Variants in DNAH5 observed in about 807,000 individuals in gnomAD.
The protein encoded by DNAH5 is dynein axonemal heavy chain 5.
In DNAH5, 372 loss-of-function variants were observed where a neutral mutation model predicts 518.2. The observed-to-expected ratio is 0.72, with a 90% CI of 0.66 to 0.78. DNAH5 has a LOEUF of 0.78. DNAH5 is among the 30% of genes least tolerant of loss of function. The pLI is 0.00. For synonymous variants in DNAH5, 2,039 were observed against 2,025.9 expected, an observed-to-expected ratio of 1.01 and a Z score of -0.17; for missense variants, 5,523 against 5,687.0, an observed-to-expected ratio of 0.97 and a Z score of 0.93.
At chr5:13,928,004 G>T in intron 3 of DNAH5, 90 bp downstream of exon 3, 1 of 1,134,226 alleles carries the variant, frequency 8.8e-7, no homozygotes, top group Non-Finnish European at 1.3e-6. Context: ...GGTGAAACAG[G>T]TCCGTTCTCA....
chr5:13,866,407 T>C, intron 25 of DNAH5, 125 bp from the exon 26 acceptor site: 1 of 847,470 alleles, frequency 1.2e-6, no homozygotes, highest in Non-Finnish European at 1.8e-6. Flanking sequence ...TTTTATTTGT[T>C]AGAAAAAAAG....
At chr5:13,997,733 C>G (rs1284672874) in intron 1 of DNAH5, among the ~76,000 whole-genome samples, 2 of 152,212 alleles carry the variant, frequency 1.3e-5, no homozygotes, top group Non-Finnish European at 2.9e-5. Flanking sequence ...GTATTTGTTA[C>G]AGCAGCACCC....
In DNAH5 at chr5:13,818,487, G is replaced by A. The variant is rs552649423; in HGVS notation, c.6842-793C>T. 1.8e-4 allele frequency among the ~76,000 whole-genome samples: 28 copies of A among 152,290 alleles called. No homozygotes were observed. The South Asian group carries it at 3.1e-3, about 17-fold the overall frequency. On this transcript the variant is annotated intron_variant, in intron 41 of 78. Transcript: ENST00000265104. The stretch of plus-strand genomic sequence containing the variant: ...CGGAAGTGCCAAAGCACTTCCTTGC[G>A]TATATCATGTTCTCTCCAATCCCTC...
intron 1 of DNAH5, among the ~76,000 whole-genome samples, chr5:13,989,060 C>T (rs1783297562): frequency 6.6e-6 from 1 of 151,954 alleles, no homozygotes; most frequent in African/African-American, 2.4e-5. Context: ...TTCTGAAATG[C>T]AGCCCGGGGA....
At chr5:13,983,848 C>T (rs1325339407) in intron 1 of DNAH5, among the ~76,000 whole-genome samples, 1 of 152,220 alleles carries the variant, frequency 6.6e-6, no homozygotes, top group Non-Finnish European at 1.5e-5. Flanking sequence ...TTGGCTCAAT[C>T]ACTCAGACAA....
chr5:13,921,772 T>C, intron 5 of DNAH5, among the ~76,000 whole-genome samples: 1 of 126,046 alleles, frequency 7.9e-6, no homozygotes, highest in African/African-American at 2.9e-5. Context: ...ACACACACAC[T>C]TCAGTTCCAA....
rs1299351253 is a variant in DNAH5, at chr5:13,809,063, GT to G, written c.7732del (p.Thr2578ProfsTer11). ...TCATACCTTGCCCTGTTTAGCAATG[GT>G]TTGAATTAGAAAGTCAGTCCTCACA... The part of the protein sequence containing the change: ...DNVRTDFLIQ[T>X]IAKQGKAVLL... On this transcript the variant is annotated frameshift_variant, in exon 46 of 79. Coordinates refer to ENST00000265104, the MANE Select transcript of DNAH5 (RefSeq NM_001369.3). LOFTEE classifies it high-confidence loss of function. The G allele has an allele frequency of 6.2e-7, 1 of 1,614,182 alleles. No individual in the cohort carries two copies. Among genetic ancestry groups the G allele is most frequent in the Non-Finnish European group, 8.5e-7 (1 of 1,180,034 alleles).
intron 69 of DNAH5, 114 bp from the exon 70 acceptor site, chr5:13,727,770 T>A: frequency 8.8e-7 from 1 of 1,133,916 alleles, no homozygotes; most frequent in Non-Finnish European, 1.3e-6. Flanking sequence ...TAAATTATAT[T>A]CCTTGGCTAT....
chr5:13,921,475 TCACACACA>T lies in DNAH5; in HGVS notation c.660+624_660+631del, dbSNP rs138046391. The stretch of plus-strand genomic sequence containing the variant: ...CTCTCTCTCTTGCTCTATCTCTCTC[TCACACACA>T]CACACACACACACACACACACACAC... On this transcript the variant is annotated intron_variant, in intron 5 of 78. Coordinates refer to ENST00000265104, the MANE Select transcript of DNAH5 (RefSeq NM_001369.3). Among the ~76,000 whole-genome samples, 75 of 73,766 alleles carry T rather than the reference TCACACACA, an allele frequency of 1.0e-3. 3 individuals carry two copies. The highest frequency in any genetic ancestry group is 1.2e-3 in the South Asian group (3 of 2,450). 48.4% of individuals were successfully genotyped at this position (73,766 alleles called of 152,430 possible).
chr5:13,756,359 T>G (rs1751000851), intron 61 of DNAH5, among the ~76,000 whole-genome samples: 1 of 152,094 alleles, frequency 6.6e-6, no homozygotes, highest in East Asian at 1.9e-4. Flanking sequence ...TAATACGGAA[T>G]TTGACATTTG....
Position 13,811,654 on chromosome 5 carries a change from G to A in DNAH5, c.7400C>T (p.Pro2467Leu), listed in dbSNP as rs376616246. The A allele has an allele frequency of 1.9e-6, 3 of 1,614,090 alleles. No individual in the cohort carries two copies. The highest frequency in any genetic ancestry group is 2.2e-5 in the East Asian group (1 of 44,880). ...GAAAGTTGAGCAATTTACCTTCAGA[G>A]GAATCAGGCCTTGAAGCATGTTAAT... ...QSINMLQGLI[P>L]LKEQGGEVSQ... is the part of the protein sequence containing the mutation. The change falls in exon 44 of 79, where the codon CCT becomes CTT. Residue 2467 changes from proline to leucine, a missense_variant. Physicochemically the swap from Pro to Leu is moderately conservative, Grantham distance 98. Around this residue, in one of 3 missense-constraint regions of DNAH5, gnomAD observed 5,121 missense variants for 5,223.3 expected, o/e 0.98. Coordinates refer to ENST00000265104, the MANE Select transcript of DNAH5 (RefSeq NM_001369.3).
At chr5:13,754,941 A>C (rs1167702215) in intron 61 of DNAH5, among the ~76,000 whole-genome samples, 2 of 149,842 alleles carry the variant, frequency 1.3e-5, no homozygotes, top group African/African-American at 4.9e-5. Context: ...CAGGAGTTCA[A>C]GACCAGCCTG....
At position 13,891,124 on chromosome 5, in the gene DNAH5, T is replaced by C. The variant is rs1773163926; in HGVS notation, c.2432-3A>G. 3.1e-6 allele frequency: 5 copies of C among 1,613,828 alleles called. No homozygotes were observed. The highest frequency in any genetic ancestry group is 1.3e-5 in the African/African-American group (1 of 74,892). ...GTCAAGCAGCAACTCCAGGTCCTCT[T>C]TGGGAAAAAATAAAAGTAAATAAAA... is the stretch of plus-strand genomic sequence containing the variant. On this transcript the variant is annotated splice_polypyrimidine_tract_variant and splice_region_variant and intron_variant, in intron 16 of 78. Coordinates refer to ENST00000265104, the MANE Select transcript of DNAH5 (RefSeq NM_001369.3).
intron 78 of DNAH5, among the ~76,000 whole-genome samples, chr5:13,693,319 G>A (rs957851537): frequency 6.6e-6 from 1 of 152,160 alleles, no homozygotes; most frequent in Non-Finnish European, 1.5e-5. Flanking sequence ...TCTCAAAACT[G>A]ACATGCTCAA....
At chr5:13,885,331 A>G in intron 18 of DNAH5, 103 bp from the exon 19 acceptor site, 1 of 1,411,090 alleles carries the variant, frequency 7.1e-7, no homozygotes. Context: ...GTTGCAATTA[A>G]AGGATAAATT....
At chr5:13,708,960 TATC>T (rs1464518074) in intron 75 of DNAH5, among the ~76,000 whole-genome samples, 2 of 152,244 alleles carry the variant, frequency 1.3e-5, no homozygotes, top group Non-Finnish European at 1.5e-5. Context: ...TTTATGTAGT[TATC>T]ATTCTATTTT....
chr5:13,996,094 T>G (rs1486014413), intron 1 of DNAH5, among the ~76,000 whole-genome samples: 1 of 152,238 alleles, frequency 6.6e-6, no homozygotes, highest in African/African-American at 2.4e-5. Context: ...AGATTCCAAT[T>G]GGCCACTCTG....
At chr5:13,984,591 A>G (rs1439610082) in intron 1 of DNAH5, among the ~76,000 whole-genome samples, 1 of 152,222 alleles carries the variant, frequency 6.6e-6, no homozygotes, top group African/African-American at 2.4e-5. Context: ...GAGAGAGGGC[A>G]TCCCTGTCTT....
chr5:13,705,455 T>C (rs1322966084), intron 76 of DNAH5, among the ~76,000 whole-genome samples: 1 of 152,186 alleles, frequency 6.6e-6, no homozygotes, highest in Non-Finnish European at 1.5e-5. Flanking sequence ...ACCATAAATA[T>C]ATATAATTTT....
Sources: gnomAD v4.1 joint callset for allele counts (sites outside exome capture counted in the v4.1 genomes callset) on GRCh38, gnomAD v4.1.1 for gene constraint, gnomAD v4.1.1 regional missense constraint, MANE v1.5 for transcripts, NCBI Gene and HGNC (gene_info 2026-07-23, HGNC 2026-07-21) for gene names.